CPNE8: variants seen among roughly 807,000 people sequenced by gnomAD.
The protein encoded by CPNE8 is copine-8.
A neutral mutation model predicts 81.5 loss-of-function variants in CPNE8; 45 were observed. The ratio of observed to expected loss-of-function variants is 0.55; its 90% confidence interval spans 0.44 to 0.71. CPNE8 has a LOEUF of 0.71. CPNE8 is among the 30% of genes least tolerant of loss of function. The pLI is 0.00. For synonymous variants in CPNE8, 252 were observed against 226.3 expected, an observed-to-expected ratio of 1.11 and a Z score of -1.02; for missense variants, 594 against 672.1, an observed-to-expected ratio of 0.88 and a Z score of 1.28.
At chr12:38,788,809 C>A (rs1159221207) in intron 6 of CPNE8, among the ~76,000 whole-genome samples, 4 of 151,322 alleles carry the variant, frequency 2.6e-5, no homozygotes, top group African/African-American at 9.7e-5. Flanking sequence ...TTCTGTATGT[C>A]AAAGTGAATA....
At chr12:38,759,448 TA>T (rs1264054192) in intron 10 of CPNE8, among the ~76,000 whole-genome samples, 1 of 152,082 alleles carries the variant, frequency 6.6e-6, no homozygotes, top group Non-Finnish European at 1.5e-5. Flanking sequence ...TATGGAAAAA[TA>T]GAAAGTTTTC....
chr12:38,899,846 T>C (rs1344394113), intron 1 of CPNE8, among the ~76,000 whole-genome samples: 1 of 152,116 alleles, frequency 6.6e-6, no homozygotes, highest in Non-Finnish European at 1.5e-5. Flanking sequence ...GTGTAAATAT[T>C]CCCACTATGG....
chr12:38,868,858 G>A (rs191866623), intron 3 of CPNE8, among the ~76,000 whole-genome samples: 10 of 152,066 alleles, frequency 6.6e-5, no homozygotes, highest in Middle Eastern at 3.4e-3. Flanking sequence ...TATTTTATTC[G>A]TATGGTATAG....
intron 3 of CPNE8, among the ~76,000 whole-genome samples, chr12:38,854,535 T>A (rs1246651727): frequency 6.6e-6 from 1 of 151,790 alleles, no homozygotes; most frequent in East Asian, 1.9e-4. Context: ...CAAAATACTA[T>A]CAGCCTGAAT....
chr12:38,767,027 A>T (rs1941704911), intron 8 of CPNE8, among the ~76,000 whole-genome samples: 1 of 152,118 alleles, frequency 6.6e-6, no homozygotes, highest in Non-Finnish European at 1.5e-5. Flanking sequence ...GAAATTAGCC[A>T]TATTATTAAC....
chr12:38,797,669 C>T (rs1222289536), intron 6 of CPNE8, among the ~76,000 whole-genome samples: 5 of 152,156 alleles, frequency 3.3e-5, no homozygotes, highest in African/African-American at 1.2e-4. Flanking sequence ...AACCCAGTTC[C>T]TCACCAGCAA....
chr12:38,696,214 C>T (rs1256220651), intron 14 of CPNE8, among the ~76,000 whole-genome samples: 1 of 152,078 alleles, frequency 6.6e-6, no homozygotes, highest in African/African-American at 2.4e-5. Context: ...GCTAATGATA[C>T]TTTCCCTCCC....
In CPNE8 at chr12:38,885,539, C is replaced by T. The variant is rs546743528; in HGVS notation, c.99-11028G>A. On this transcript the variant is annotated intron_variant, in intron 1 of 19. Coordinates refer to ENST00000331366, the MANE Select transcript of CPNE8 (RefSeq NM_153634.3). ...TGAAAATACAGATATTTTATACAGC[C>T]CAGATTCAGGCATGTAGCTGACCCT... Among the ~76,000 whole-genome samples, 12 of 152,190 alleles carry T rather than the reference C, an allele frequency of 7.9e-5. 1 individual carries two copies. The East Asian group carries it at 2.3e-3, about 29-fold the overall frequency.
chr12:38,704,143 T>C (rs1467307553), intron 13 of CPNE8, among the ~76,000 whole-genome samples: 1 of 152,132 alleles, frequency 6.6e-6, no homozygotes, highest in African/African-American at 2.4e-5. Flanking sequence ...AAAAATGAAC[T>C]GTTGGGTACT....
At chr12:38,906,145 G>A, upstream of CPNE8, 1 of 985,694 alleles carries the variant, frequency 1.0e-6, no homozygotes, top group Non-Finnish European at 1.2e-6. Context: ...TTCTCACCTC[G>A]CCCTCGGAGC....
intron 5 of CPNE8, among the ~76,000 whole-genome samples, chr12:38,838,745 A>C (rs1341892512): frequency 1.3e-5 from 2 of 152,076 alleles, no homozygotes; most frequent in African/African-American, 4.8e-5. Flanking sequence ...ACTGTTCCTG[A>C]ATACTTCTTC....
intron 1 of CPNE8, among the ~76,000 whole-genome samples, chr12:38,879,930 A>G (rs1944126621): frequency 6.6e-6 from 1 of 152,254 alleles, no homozygotes; most frequent in South Asian, 2.1e-4. Context: ...CACTGTGACC[A>G]GAAGTGAAAC....
At chr12:38,820,330 G>A (rs1385049955) in intron 6 of CPNE8, among the ~76,000 whole-genome samples, 5 of 151,800 alleles carry the variant, frequency 3.3e-5, no homozygotes, top group Admixed American at 6.6e-5. Context: ...GCTTGAACCC[G>A]GGAGGCAGAA....
chr12:38,749,676 G>A (rs1365738365), intron 10 of CPNE8, among the ~76,000 whole-genome samples: 1 of 152,116 alleles, frequency 6.6e-6, no homozygotes, highest in African/African-American at 2.4e-5. Context: ...AACAATTTGT[G>A]GAACTTTGAA....
intron 6 of CPNE8, among the ~76,000 whole-genome samples, chr12:38,799,136 T>A (rs559787432): frequency 1.0e-3 from 155 of 152,210 alleles, no homozygotes; most frequent in Non-Finnish European, 1.6e-3. Flanking sequence ...ATTAGACAGA[T>A]CAACGAGACA....
chr12:38,736,270 A>C lies in CPNE8; in HGVS notation c.723-5912T>G, dbSNP rs1277742342. ...TTACACTTCTATAATTCTAAATTTTAGTATGTTAATATTTCATCTATTATG... is the reference window on the plus strand; with the variant it reads ...TTACACTTCTATAATTCTAAATTTTCGTATGTTAATATTTCATCTATTATG... On this transcript the variant is annotated intron_variant, in intron 10 of 19. Transcript: ENST00000331366. Among the ~76,000 whole-genome samples, 3 of 142,252 alleles carry C rather than the reference A, an allele frequency of 2.1e-5. No homozygotes were observed. In the East Asian group the frequency reaches 6.3e-4, roughly 30 times the overall value. The allele number at this position is 142,252 out of a possible 152,430, so 93.3% of individuals were successfully genotyped here.
Position 38,762,178 on chromosome 12 carries a change from G to A in CPNE8, c.614C>T (p.Thr205Ile), listed in dbSNP as rs747112366. The A allele has an allele frequency of 2.5e-6, 4 of 1,606,272 alleles. No individual in the cohort carries two copies. In the Admixed American group the frequency reaches 5.1e-5, roughly 20 times the overall value. Residue 205 changes from threonine (T) to isoleucine (I), a missense_variant, in exon 9 of 20, where the codon ACT becomes ATT. Thr to Ile is a moderately conservative substitution (Grantham distance 89). Coordinates refer to ENST00000331366, the MANE Select transcript of CPNE8 (RefSeq NM_153634.3). Reference protein sequence around the residue: ...ICHKTEVVKNTLNPVWQAFKI... With the variant: ...ICHKTEVVKNILNPVWQAFKI... ...GAATGCTTGCCATACTGGATTTAGA[G>A]TGTTTTTGACAACTTCTGTCTTGTG...
At chr12:38,798,073 T>A (rs1041351861) in intron 6 of CPNE8, among the ~76,000 whole-genome samples, 1 of 152,142 alleles carries the variant, frequency 6.6e-6, no homozygotes, top group Non-Finnish European at 1.5e-5. Flanking sequence ...CTACGTCTCA[T>A]TGGTGTACCT....
chr12:38,785,519 T>C (rs977311385), intron 6 of CPNE8, among the ~76,000 whole-genome samples: 1 of 152,166 alleles, frequency 6.6e-6, no homozygotes, highest in South Asian at 2.1e-4. Flanking sequence ...TGAATAAGTC[T>C]TAGAAGATCT....
Sources: gnomAD v4.1 joint callset for allele counts (sites outside exome capture counted in the v4.1 genomes callset) on GRCh38, gnomAD v4.1.1 for gene constraint, MANE v1.5 for transcripts, NCBI Gene and HGNC (gene_info 2026-07-23, HGNC 2026-07-21) for gene names.